NUP93: variants seen among roughly 807,000 people sequenced by gnomAD.
NUP93 encodes nucleoporin 93, also known as nuclear pore complex protein Nup93.
Under a neutral mutation model 107.8 loss-of-function variants are expected in NUP93, and 55 were observed. The ratio of observed to expected loss-of-function variants is 0.51; its 90% CI spans 0.41 to 0.64. The LOEUF is 0.64. NUP93 is among the 30% of genes least tolerant of loss of function. The pLI, the probability that NUP93 is intolerant of heterozygous loss-of-function variation, is 0.00. For synonymous variants in NUP93, 390 were observed against 397.5 expected, an observed-to-expected ratio of 0.98 and a Z score of 0.22; for missense variants, 937 against 1,044.7, an observed-to-expected ratio of 0.90 and a Z score of 1.42.
At chr16:56,779,973 T>C (rs1402126666) in intron 3 of NUP93, among the ~76,000 whole-genome samples, 1 of 152,194 alleles carries the variant, frequency 6.6e-6, no homozygotes, top group East Asian at 1.9e-4. Flanking sequence ...TATTGCTATA[T>C]ATCCACCATG....
At chr16:56,819,699 G>C (rs960689421) in intron 6 of NUP93, among the ~76,000 whole-genome samples, 4 of 152,240 alleles carry the variant, frequency 2.6e-5, no homozygotes, top group African/African-American at 9.6e-5. Flanking sequence ...GTCTTCAGCT[G>C]CCAGTTATTT....
intron 3 of NUP93, among the ~76,000 whole-genome samples, chr16:56,776,357 A>G (rs1199410345): frequency 6.6e-6 from 1 of 152,220 alleles, no homozygotes. Context: ...ATAGTAGCAC[A>G]AATAATAAAT....
At chr16:56,842,643 C>G (rs1460489435) in intron 21 of NUP93, 6 of 451,944 alleles carry the variant, frequency 1.3e-5, no homozygotes, top group South Asian at 9.4e-5. Context: ...ACCTCTACCT[C>G]TTGGGCTCAA....
chr16:56,827,069 A>AAAAAAAAAAT (rs1430722800), intron 8 of NUP93, among the ~76,000 whole-genome samples: 72 of 125,336 alleles, frequency 5.7e-4, no homozygotes, highest in Non-Finnish European at 7.7e-4. Flanking sequence ...AAAAAAAAAA[A>AAAAAAAAAAT]TTTTGTTGAG....
intron 5 of NUP93, among the ~76,000 whole-genome samples, chr16:56,808,709 A>G (rs998539092): frequency 2.9e-4 from 10 of 34,318 alleles, no homozygotes; most frequent in Admixed American, 4.6e-4. Context: ...ATAAAAATAC[A>G]TATATAAATA....
chr16:56,793,413 G>A (rs1389578997), intron 3 of NUP93, among the ~76,000 whole-genome samples: 1 of 152,136 alleles, frequency 6.6e-6, no homozygotes, highest in South Asian at 2.1e-4. Flanking sequence ...TTAGATGCTG[G>A]CATCTACCAG....
In NUP93 at chr16:56,793,839, T is replaced by C. The variant is rs182869261; in HGVS notation, c.298-4637T>C. Reference sequence around the variant, plus strand: ...GGAGGCTGAGGCGGGCAGATCACGATGTCAGGAGTTCGCGACCAGCCTGAC... The same window carrying C: ...GGAGGCTGAGGCGGGCAGATCACGACGTCAGGAGTTCGCGACCAGCCTGAC... On this transcript the variant is annotated intron_variant, in intron 3 of 21. Transcript: ENST00000308159. Among the ~76,000 whole-genome samples, 454 of 152,186 alleles carry C rather than the reference T, an allele frequency of 3.0e-3. 7 individuals carry two copies. Among genetic ancestry groups the C allele is most frequent in the Admixed American group, 0.026 (403 of 15,292 alleles).
intron 5 of NUP93, among the ~76,000 whole-genome samples, chr16:56,808,527 A>ACTATATAAAT (rs1555495061): frequency 3.5e-5 from 4 of 115,524 alleles, no homozygotes; most frequent in South Asian, 2.5e-4. Context: ...ACTATATATA[A>ACTATATAAAT]ATATAGTTAT....
At chr16:56,837,587 T>G in intron 17 of NUP93, 21 bp from the exon 18 acceptor site, 1 of 1,583,140 alleles carries the variant, frequency 6.3e-7, no homozygotes, top group South Asian at 1.1e-5. Context: ...ATTGCTTCCT[T>G]AATTTTAAAA....
chr16:56,811,465 C>A (rs1310697932), intron 5 of NUP93, among the ~76,000 whole-genome samples: 4 of 151,940 alleles, frequency 2.6e-5, no homozygotes, highest in Admixed American at 2.0e-4. Flanking sequence ...ATTCAGCAGG[C>A]TTTGGGTCCC....
intron 1 of NUP93, 73 bp from the exon 2 acceptor site, chr16:56,748,161 G>GT (rs1961853801): frequency 9.6e-7 from 1 of 1,046,338 alleles, no homozygotes; most frequent in African/African-American, 1.6e-5. Context: ...TGTTAAGCTT[G>GT]TAACAGATTC....
chr16:56,748,758 C>T (rs776642775), intron 2 of NUP93, among the ~76,000 whole-genome samples: 2 of 151,984 alleles, frequency 1.3e-5, no homozygotes, highest in African/African-American at 2.4e-5. Flanking sequence ...AAATGGCTCC[C>T]GTTATGTTAA....
At chr16:56,754,682 A>G (rs1961985460) in intron 2 of NUP93, among the ~76,000 whole-genome samples, 2 of 152,210 alleles carry the variant, frequency 1.3e-5, no homozygotes, top group African/African-American at 2.4e-5. Flanking sequence ...GGTGCAAACC[A>G]TCAGTGGGTC....
At chr16:56,732,910 A>G (rs1961556749) in intron 1 of NUP93, among the ~76,000 whole-genome samples, 1 of 152,194 alleles carries the variant, frequency 6.6e-6, no homozygotes, top group East Asian at 1.9e-4. Flanking sequence ...TTGCCACTAG[A>G]GAGGGAGACA....
chr16:56,756,752 C>G (rs1443432957), intron 2 of NUP93, among the ~76,000 whole-genome samples: 1 of 152,154 alleles, frequency 6.6e-6, no homozygotes, highest in Admixed American at 6.5e-5. Context: ...AATTTACACT[C>G]CCACCAACAG....
chr16:56,784,526 C>T (rs1321136435), intron 3 of NUP93, among the ~76,000 whole-genome samples: 2 of 152,118 alleles, frequency 1.3e-5, no homozygotes, highest in Non-Finnish European at 2.9e-5. Flanking sequence ...AATCTTGATT[C>T]TTAAAATTAA....
chr16:56,738,225 C>T (rs191053549), intron 1 of NUP93, among the ~76,000 whole-genome samples: 11 of 152,348 alleles, frequency 7.2e-5, no homozygotes, highest in Admixed American at 5.2e-4. Context: ...AGAGGGCTGG[C>T]GTGGGATGGA....
At chr16:56,731,896 A>G (rs865804791) in intron 1 of NUP93, among the ~76,000 whole-genome samples, 27 of 151,994 alleles carry the variant, frequency 1.8e-4, no homozygotes, top group African/African-American at 6.3e-4. Context: ...TTTACTTAAA[A>G]GAAAAAAAAA....
chr16:56,844,968 A>T lies in NUP93; in HGVS notation c.*359A>T, dbSNP rs1964098531. 1 of 326,422 alleles carries T rather than the reference A, an allele frequency of 3.1e-6. No individual in the cohort carries two copies. Among genetic ancestry groups the T allele is most frequent in the African/African-American group, 2.1e-5 (1 of 47,438 alleles). 20.2% of individuals were successfully genotyped at this position (326,422 alleles called of 1,614,324 possible). ...CCAGGAAACAAAGCCTTTGGGAGTT[A>T]CTTTTATTTAGATATAATATTCCAT... is the stretch of plus-strand genomic sequence containing the variant. On this transcript the variant is annotated 3_prime_UTR_variant, in exon 22 of 22. Transcript: ENST00000308159.
Sources: gnomAD v4.1 joint callset for allele counts (sites outside exome capture counted in the v4.1 genomes callset) on GRCh38, gnomAD v4.1.1 for gene constraint, MANE v1.5 for transcripts, NCBI Gene and HGNC (gene_info 2026-07-23, HGNC 2026-07-21) for gene names.